Variants in PDE8B observed in about 807,000 individuals in gnomAD.
The protein encoded by PDE8B is phosphodiesterase 8B.
Under a neutral mutation model 101.3 loss-of-function variants are expected in PDE8B, and 26 were observed. That is an observed-to-expected ratio of 0.26 (90% confidence interval 0.19 to 0.36). The LOEUF (loss-of-function observed/expected upper bound fraction) is 0.36. PDE8B is among the 10% of genes least tolerant of loss of function. PDE8B has a pLI of 1.00. For missense variants in PDE8B, 810 were observed against 1,163.1 expected (o/e 0.70, Z 4.42); for synonymous variants, 424 against 429.3 (o/e 0.99, Z 0.15).
At chr5:77,351,880 G>T (rs890323580) in intron 9 of PDE8B, among the ~76,000 whole-genome samples, 2 of 152,160 alleles carry the variant, frequency 1.3e-5, no homozygotes, top group Non-Finnish European at 2.9e-5. Context: ...CAGTCATCCT[G>T]CCAGGAACTG....
At chr5:77,144,342 G>A in the PDE8B span, 1 of 149,612 alleles carries the variant, frequency 6.7e-6, no homozygotes, top group South Asian at 2.1e-4. Context: ...AAGATAAGTT[G>A]CAGCGGGGAC....
At chr5:77,116,888 T>G in the PDE8B span, among the ~76,000 whole-genome samples, 1 of 152,044 alleles carries the variant, frequency 6.6e-6, no homozygotes, top group Non-Finnish European at 1.5e-5. Context: ...CCTCTTCAAT[T>G]CCCCCATCAC....
chr5:77,266,413 C>T (rs891820572), intron 1 of PDE8B, among the ~76,000 whole-genome samples: 1 of 152,096 alleles, frequency 6.6e-6, no homozygotes, highest in Non-Finnish European at 1.5e-5. Context: ...CTTAAAATGG[C>T]CCCCCAGCCA....
chr5:77,407,541 T>G (rs1793733356), intron 13 of PDE8B, 84 bp downstream of exon 13: 2 of 966,556 alleles, frequency 2.1e-6, no homozygotes, highest in Non-Finnish European at 3.4e-6. Flanking sequence ...ACTGACATCA[T>G]GGAGCTCAGT....
At chr5:77,183,964 A>T in the PDE8B span, among the ~76,000 whole-genome samples, 1 of 144,040 alleles carries the variant, frequency 6.9e-6, no homozygotes. Flanking sequence ...CTATTTAAAT[A>T]CATACTTTTT....
the PDE8B span, among the ~76,000 whole-genome samples, chr5:77,129,989 C>G: frequency 6.6e-6 from 1 of 152,180 alleles, no homozygotes; most frequent in Admixed American, 6.5e-5. Flanking sequence ...CCTCTCATCT[C>G]GATTCTGTTT....
At chr5:77,136,208 T>C in the PDE8B span, among the ~76,000 whole-genome samples, 44 of 152,314 alleles carry the variant, frequency 2.9e-4, no homozygotes, top group African/African-American at 1.0e-3. Context: ...TATCTAAGGA[T>C]GTTATTTCTA....
At chr5:77,197,885 GT>G in the PDE8B span, among the ~76,000 whole-genome samples, 62,375 of 151,328 alleles carry the variant, frequency 0.41, 13,562 homozygotes, top group African/African-American at 0.54. Flanking sequence ...CACAATGCTT[GT>G]TTTTTTTCAA....
chr5:77,095,805 C>A, the PDE8B span, among the ~76,000 whole-genome samples: 1 of 152,178 alleles, frequency 6.6e-6, no homozygotes, highest in Non-Finnish European at 1.5e-5. Context: ...TCTCCCCAAG[C>A]TTCACCACAA....
intron 1 of PDE8B, among the ~76,000 whole-genome samples, chr5:77,244,280 G>A (rs1756416778): frequency 6.6e-6 from 1 of 152,186 alleles, no homozygotes; most frequent in Non-Finnish European, 1.5e-5. Context: ...GCTCTAGAGA[G>A]GAAGACTGAA....
At chr5:77,107,703 G>A in the PDE8B span, among the ~76,000 whole-genome samples, 1 of 152,056 alleles carries the variant, frequency 6.6e-6, no homozygotes, top group Non-Finnish European at 1.5e-5. Context: ...TTATTATCAT[G>A]GTCTGGCAAT....
chr5:77,216,379 A>T (rs1749719384), intron 1 of PDE8B, among the ~76,000 whole-genome samples: 1 of 152,214 alleles, frequency 6.6e-6, no homozygotes, highest in Non-Finnish European at 1.5e-5. Flanking sequence ...AATCATGGCC[A>T]AAGGCGAAAG....
chr5:77,384,506 C>G (rs551365027), intron 10 of PDE8B, among the ~76,000 whole-genome samples: 1 of 152,232 alleles, frequency 6.6e-6, no homozygotes, highest in East Asian at 1.9e-4. Context: ...CTTCCAATAC[C>G]ATGTTGAATA....
chr5:77,195,008 G>T, the PDE8B span, among the ~76,000 whole-genome samples: 1 of 152,160 alleles, frequency 6.6e-6, no homozygotes, highest in African/African-American at 2.4e-5. Flanking sequence ...TTTAGGAACT[G>T]CCAAACTGTT....
intron 1 of PDE8B, among the ~76,000 whole-genome samples, chr5:77,297,750 T>G (rs745516972): frequency 6.6e-6 from 1 of 152,212 alleles, no homozygotes; most frequent in Non-Finnish European, 1.5e-5. Flanking sequence ...TGTTCCACAT[T>G]GCCTGGGACT....
At chr5:77,182,255 A>G in the PDE8B span, among the ~76,000 whole-genome samples, 6,991 of 151,792 alleles carry the variant, frequency 0.046, 528 homozygotes, top group African/African-American at 0.16. Context: ...ACTTGGTTCC[A>G]AAGAGCGTTT....
At chr5:77,216,531 A>G (rs985332683) in intron 1 of PDE8B, among the ~76,000 whole-genome samples, 2 of 152,204 alleles carry the variant, frequency 1.3e-5, no homozygotes, top group Non-Finnish European at 2.9e-5. Flanking sequence ...ATTACCTCTC[A>G]CCAGGTCCCT....
intron 10 of PDE8B, among the ~76,000 whole-genome samples, chr5:77,397,716 A>C (rs1172368586): frequency 6.6e-6 from 1 of 152,222 alleles, no homozygotes; most frequent in Non-Finnish European, 1.5e-5. Flanking sequence ...CCAAGAAAGC[A>C]TGGAAGTTTT....
At chr5:77,357,954 C>T (rs1469415963) in intron 10 of PDE8B, among the ~76,000 whole-genome samples, 1 of 152,222 alleles carries the variant, frequency 6.6e-6, no homozygotes, top group Non-Finnish European at 1.5e-5. Context: ...ATTCTGGTTC[C>T]CACCGCCAGG....
Sources: gnomAD v4.1 joint callset for allele counts (sites outside exome capture counted in the v4.1 genomes callset) on GRCh38, gnomAD v4.1.1 for gene constraint, MANE v1.5 for transcripts, NCBI Gene and HGNC (gene_info 2026-07-23, HGNC 2026-07-21) for gene names.